The following RANBP17 variants were observed in gnomAD, a reference collection of about 807,000 sequenced individuals.
RANBP17 encodes RAN binding protein 17.
A neutral mutation model predicts 141.2 loss-of-function variants in RANBP17; 158 were observed. The ratio of observed to expected loss-of-function variants is 1.12; its 90% CI spans 0.98 to 1.28. RANBP17 has a LOEUF of 1.28. Among genes scored for constraint, RANBP17 ranks in the 50% most tolerant of loss-of-function variants. RANBP17 has a pLI of 0.00. For missense variants in RANBP17, 1,438 were observed against 1,290.7 expected (o/e 1.11, Z -1.75); for synonymous variants, 430 against 450.0 (o/e 0.96, Z 0.56).
At chr5:171,143,504 T>TA (rs1298929742) in intron 14 of RANBP17, 1 of 152,144 alleles carries the variant, frequency 6.6e-6, no homozygotes, top group Non-Finnish European at 1.5e-5. Flanking sequence ...TCCACATCTT[T>TA]AAAAAAATTT....
At chr5:171,144,907 T>A (rs970274211) in intron 14 of RANBP17, among the ~76,000 whole-genome samples, 1 of 152,200 alleles carries the variant, frequency 6.6e-6, no homozygotes, top group African/African-American at 2.4e-5. Context: ...TTCTCTTGAG[T>A]ATTCTCGCTT....
intron 12 of RANBP17, among the ~76,000 whole-genome samples, chr5:170,948,411 T>A (rs906587878): frequency 1.3e-5 from 2 of 152,194 alleles, no homozygotes; most frequent in Admixed American, 6.5e-5. Context: ...ATGGTATGTC[T>A]ATTTTTTAAC....
At chr5:171,117,381 T>C (rs1030138602) in intron 14 of RANBP17, among the ~76,000 whole-genome samples, 3 of 152,220 alleles carry the variant, frequency 2.0e-5, no homozygotes, top group Non-Finnish European at 4.4e-5. Flanking sequence ...AATGATGATA[T>C]TTCATTGTGG....
intron 14 of RANBP17, among the ~76,000 whole-genome samples, chr5:171,121,862 G>C (rs926195384): frequency 6.6e-6 from 1 of 152,206 alleles, no homozygotes; most frequent in South Asian, 2.1e-4. Flanking sequence ...CACTCCAGAG[G>C]TGCCTCTGAT....
At chr5:171,051,765 GT>G (rs1382946817) in intron 14 of RANBP17, among the ~76,000 whole-genome samples, 1 of 152,104 alleles carries the variant, frequency 6.6e-6, no homozygotes, top group Non-Finnish European at 1.5e-5. Context: ...TAAAAGTAGA[GT>G]TGCTAAATCA....
intron 3 of RANBP17, among the ~76,000 whole-genome samples, chr5:170,884,497 G>A (rs566132374): frequency 6.6e-6 from 1 of 152,028 alleles, no homozygotes; most frequent in Non-Finnish European, 1.5e-5. Flanking sequence ...ATTCATTAAT[G>A]GAAGTGGATC....
chr5:170,880,098 C>T (rs932808191), intron 2 of RANBP17, among the ~76,000 whole-genome samples: 2 of 152,172 alleles, frequency 1.3e-5, no homozygotes, highest in African/African-American at 4.8e-5. Flanking sequence ...GCAGATTCTA[C>T]TTCAGTTTAT....
chr5:171,213,442 G>C (rs1270382467), intron 20 of RANBP17, among the ~76,000 whole-genome samples, 189 bp from the exon 21 acceptor site: 2 of 152,132 alleles, frequency 1.3e-5, no homozygotes, highest in Non-Finnish European at 2.9e-5. Context: ...CCCCAAAAAT[G>C]TATGTATATC....
rs543887998 is a variant in RANBP17, at chr5:171,186,146, G to C, written c.2038+2716G>C. 2.1e-3 allele frequency among the ~76,000 whole-genome samples: 313 copies of C among 152,322 alleles called. 1 individual carries two copies. Among genetic ancestry groups the C allele is most frequent in the Non-Finnish European group, 4.0e-3 (275 of 68,042 alleles). On this transcript the variant is annotated intron_variant, in intron 18 of 27. Coordinates refer to ENST00000523189, the MANE Select transcript of RANBP17 (RefSeq NM_022897.5). ...CCATCAGCATTAGCCCCTAATGAGAGAGTCAGCCTGGTGTTTGAAGCTTTG... is the reference window on the plus strand; with the variant it reads ...CCATCAGCATTAGCCCCTAATGAGACAGTCAGCCTGGTGTTTGAAGCTTTG...
chr5:171,194,678 A>G (rs757128015), intron 18 of RANBP17, among the ~76,000 whole-genome samples: 45 of 152,202 alleles, frequency 3.0e-4, no homozygotes, highest in Non-Finnish European at 5.7e-4. Flanking sequence ...TTTGCATACA[A>G]CTTTTTGTGT....
At chr5:170,924,712 T>C (rs951454459) in intron 12 of RANBP17, 162 bp downstream of exon 12, 3 of 487,926 alleles carry the variant, frequency 6.1e-6, no homozygotes, top group Admixed American at 7.0e-5. Flanking sequence ...TATTGGTAAT[T>C]TGTTGGTTGA....
chr5:170,893,057 T>A (rs1769788396), intron 4 of RANBP17, among the ~76,000 whole-genome samples: 1 of 152,140 alleles, frequency 6.6e-6, no homozygotes, highest in Admixed American at 6.6e-5. Context: ...ATTGACTATA[T>A]CAGTTTCTCA....
At chr5:171,191,816 C>A (rs1761668920) in intron 18 of RANBP17, among the ~76,000 whole-genome samples, 1 of 152,200 alleles carries the variant, frequency 6.6e-6, no homozygotes. Flanking sequence ...CTTCATCTTT[C>A]ACCTTATCAA....
intron 24 of RANBP17, among the ~76,000 whole-genome samples, chr5:171,262,007 T>C (rs748291449): frequency 3.9e-5 from 6 of 152,216 alleles, no homozygotes; most frequent in Admixed American, 6.5e-5. Flanking sequence ...GAAGCTCTTC[T>C]TGCTTTTATT....
At chr5:171,281,356 C>T (rs568049534) in intron 25 of RANBP17, among the ~76,000 whole-genome samples, 1 of 152,302 alleles carries the variant, frequency 6.6e-6, no homozygotes, top group South Asian at 2.1e-4. Context: ...AGTGTGCATG[C>T]CCATATTTAA....
chr5:171,022,215 G>A (rs58583791), intron 14 of RANBP17, among the ~76,000 whole-genome samples: 8 of 152,154 alleles, frequency 5.3e-5, no homozygotes, highest in Non-Finnish European at 1.2e-4. Context: ...CCTGATGCCC[G>A]TAGGATTGTT....
intron 12 of RANBP17, among the ~76,000 whole-genome samples, chr5:170,935,100 A>G (rs1207705259): frequency 6.6e-6 from 1 of 152,074 alleles, no homozygotes; most frequent in Non-Finnish European, 1.5e-5. Context: ...GATCAAATCT[A>G]CTGAAGCTTG....
intron 14 of RANBP17, among the ~76,000 whole-genome samples, chr5:171,127,270 A>G (rs1756544262): frequency 6.6e-6 from 1 of 152,252 alleles, no homozygotes; most frequent in Non-Finnish European, 1.5e-5. Context: ...ATAAAATTCA[A>G]CATGCCTTCA....
At chr5:171,007,147 G>A (rs1779694137) in intron 14 of RANBP17, among the ~76,000 whole-genome samples, 1 of 152,176 alleles carries the variant, frequency 6.6e-6, no homozygotes, top group African/African-American at 2.4e-5. Flanking sequence ...AGGTTGAATT[G>A]TAGGACAGAG....
Sources: gnomAD v4.1 joint callset for allele counts (sites outside exome capture counted in the v4.1 genomes callset) on GRCh38, gnomAD v4.1.1 for gene constraint, MANE v1.5 for transcripts, NCBI Gene and HGNC (gene_info 2026-07-23, HGNC 2026-07-21) for gene names.